The following GLI3 variants were observed in gnomAD, a reference collection of about 807,000 sequenced individuals.
GLI3 encodes transcription activator GLI3.
GLI3 carries 20 observed loss-of-function variants against 100.8 expected under a neutral mutation model. The ratio of observed to expected loss-of-function variants is 0.20; its 90% CI spans 0.14 to 0.29. The LOEUF (loss-of-function observed/expected upper bound fraction) is 0.29. Ranked by LOEUF, GLI3 falls within the 10% of genes least tolerant of loss-of-function variation. The pLI, the probability that GLI3 is intolerant of heterozygous loss-of-function variation, is 1.00. For missense variants in GLI3, 2,040 were observed against 2,128.5 expected, an observed-to-expected ratio of 0.96 and a Z score of 0.82; for synonymous variants, 938 against 860.5, an observed-to-expected ratio of 1.09 and a Z score of -1.58.
intron 7 of GLI3, among the ~76,000 whole-genome samples, chr7:42,038,109 T>C (rs1191019654): frequency 3.9e-5 from 6 of 152,362 alleles, no homozygotes; most frequent in Middle Eastern, 3.4e-3. Flanking sequence ...TTGGATGCTA[T>C]GACTTTAGTC....
chr7:42,107,602 C>A (rs1046038082), intron 3 of GLI3, among the ~76,000 whole-genome samples: 2 of 152,060 alleles, frequency 1.3e-5, no homozygotes, highest in East Asian at 1.9e-4. Context: ...CAGGAGCTGG[C>A]AGATGAGAAA....
In GLI3 at chr7:41,964,893, G is replaced by A. The variant is rs577664817; in HGVS notation, c.4180C>T (p.Arg1394Cys). 34 of 1,613,786 alleles carry A rather than the reference G, an allele frequency of 2.1e-5. No homozygotes were observed. Among genetic ancestry groups the A allele is most frequent in the Middle Eastern group, 1.6e-4 (1 of 6,062 alleles). The change falls in exon 15 of 15, where the codon CGC becomes TGC. Residue 1394 changes from arginine (R) to cysteine (C), a missense_variant. Coordinates refer to ENST00000395925, the MANE Select transcript of GLI3 (RefSeq NM_000168.6). Reference protein sequence around the residue: ...QPCASFGGSRRQAMPRDSLAL... With the variant: ...QPCASFGGSRCQAMPRDSLAL... ...AGGCTGTCCCTCGGCATAGCCTGGC[G>A]CCTGCTGCCCCCAAAGCTGGCACAT...
chr7:42,182,692 G>GTATATATA (rs200753197), intron 2 of GLI3, among the ~76,000 whole-genome samples: 4 of 93,208 alleles, frequency 4.3e-5, no homozygotes, highest in African/African-American at 2.1e-4. Flanking sequence ...ACACATGTGT[G>GTATATATA]TATATATATA....
intron 3 of GLI3, among the ~76,000 whole-genome samples, chr7:42,131,749 T>C (rs1413355141): frequency 1.3e-5 from 2 of 151,890 alleles, no homozygotes; most frequent in Non-Finnish European, 2.9e-5. Context: ...GAAAAGCTGA[T>C]GAGGAAAAGA....
intron 3 of GLI3, among the ~76,000 whole-genome samples, chr7:42,090,332 A>G (rs572748425): frequency 2.8e-4 from 43 of 152,304 alleles, no homozygotes; most frequent in African/African-American, 1.0e-3. Context: ...TGACTGTACT[A>G]TGACGTTATG....
intron 3 of GLI3, among the ~76,000 whole-genome samples, chr7:42,144,449 G>A (rs1786652611): frequency 6.6e-6 from 1 of 152,104 alleles, no homozygotes; most frequent in Non-Finnish European, 1.5e-5. Context: ...GACCCTTCAT[G>A]AGAGAATACC....
intron 2 of GLI3, among the ~76,000 whole-genome samples, chr7:42,200,063 G>A (rs1204741341): frequency 1.3e-5 from 2 of 151,990 alleles, no homozygotes; most frequent in Non-Finnish European, 2.9e-5. Flanking sequence ...TCTCAAAAAA[G>A]GACCTATACC....
At chr7:42,002,055 G>GACAC (rs36214762) in intron 10 of GLI3, among the ~76,000 whole-genome samples, 18 of 150,476 alleles carry the variant, frequency 1.2e-4, no homozygotes, top group East Asian at 2.0e-4. Context: ...AACATGGCAA[G>GACAC]ACACACACAC....
At chr7:42,175,858 T>C (rs966162558) in intron 2 of GLI3, among the ~76,000 whole-genome samples, 1 of 152,136 alleles carries the variant, frequency 6.6e-6, no homozygotes, top group Non-Finnish European at 1.5e-5. Flanking sequence ...CATGAGCTTA[T>C]TGTTTCCATT....
chr7:42,181,919 A>T (rs1449098940), intron 2 of GLI3, among the ~76,000 whole-genome samples: 1 of 152,194 alleles, frequency 6.6e-6, no homozygotes, highest in African/African-American at 2.4e-5. Context: ...GTAAAATGAG[A>T]CTTCCATCTT....
chr7:42,008,037 T>C (rs1788505621), intron 10 of GLI3, among the ~76,000 whole-genome samples: 1 of 152,240 alleles, frequency 6.6e-6, no homozygotes, highest in Admixed American at 6.5e-5. Context: ...AACATAGGCA[T>C]GTAACTGGCT....
chr7:42,188,904 A>C (rs758086130), intron 2 of GLI3, among the ~76,000 whole-genome samples: 1 of 152,220 alleles, frequency 6.6e-6, no homozygotes, highest in African/African-American at 2.4e-5. Flanking sequence ...GTATAATACT[A>C]TAATGGCAGA....
chr7:42,180,599 G>A (rs994037728), intron 2 of GLI3, among the ~76,000 whole-genome samples: 3 of 152,200 alleles, frequency 2.0e-5, no homozygotes, highest in Admixed American at 6.5e-5. Flanking sequence ...CCCAGGATGC[G>A]CTCAGCATTG....
At chr7:42,146,892 T>G (rs575068677) in intron 3 of GLI3, among the ~76,000 whole-genome samples, 2 of 152,324 alleles carry the variant, frequency 1.3e-5, no homozygotes, top group Middle Eastern at 6.8e-3. Flanking sequence ...AAACCCTGAA[T>G]GAAGGAAGGA....
intron 3 of GLI3, among the ~76,000 whole-genome samples, chr7:42,093,687 C>A (rs1785277181): frequency 6.6e-6 from 1 of 152,090 alleles, no homozygotes; most frequent in Non-Finnish European, 1.5e-5. Context: ...ATAAATCACT[C>A]ATGAAATTTA....
At chr7:42,029,715 T>C (rs1459020525) in intron 7 of GLI3, among the ~76,000 whole-genome samples, 1 of 152,130 alleles carries the variant, frequency 6.6e-6, no homozygotes, top group East Asian at 1.9e-4. Flanking sequence ...CTTCCTTTTT[T>C]ACATTCACGT....
intron 3 of GLI3, among the ~76,000 whole-genome samples, chr7:42,137,344 A>G (rs924707117): frequency 6.6e-6 from 1 of 152,038 alleles, no homozygotes; most frequent in African/African-American, 2.4e-5. Flanking sequence ...ATCAAATCAC[A>G]ACACTTCTTC....
intron 2 of GLI3, among the ~76,000 whole-genome samples, chr7:42,196,097 CATAA>C: frequency 6.6e-6 from 1 of 152,250 alleles, no homozygotes; most frequent in Non-Finnish European, 1.5e-5. Context: ...TCCAACAGTA[CATAA>C]ATAAATAAGG....
At chr7:42,182,587 C>T (rs1032832032) in intron 2 of GLI3, among the ~76,000 whole-genome samples, 2 of 144,660 alleles carry the variant, frequency 1.4e-5, no homozygotes, top group Non-Finnish European at 1.5e-5. Flanking sequence ...CAATGGAAGA[C>T]AAGGCCTCAC....
Sources: gnomAD v4.1 joint callset for allele counts (sites outside exome capture counted in the v4.1 genomes callset) on GRCh38, gnomAD v4.1.1 for gene constraint, MANE v1.5 for transcripts, NCBI Gene and HGNC (gene_info 2026-07-23, HGNC 2026-07-21) for gene names.